KCNT2: variants seen among roughly 807,000 people sequenced by gnomAD.
The protein encoded by KCNT2 is potassium channel subfamily T member 2.
In KCNT2, 67 loss-of-function variants were observed where a neutral mutation model predicts 153.8. The observed-to-expected ratio is 0.44, with a 90% confidence interval of 0.36 to 0.53. The LOEUF (loss-of-function observed/expected upper bound fraction) is 0.53. Ranked by LOEUF, KCNT2 falls within the 20% of genes least tolerant of loss-of-function variation. The probability of loss-of-function intolerance (pLI) is 0.00; values close to 1 mark genes in which losing one functional copy is unlikely to be tolerated. For missense variants in KCNT2, 975 were observed against 1,354.8 expected, an observed-to-expected ratio of 0.72 and a Z score of 4.40; for synonymous variants, 500 against 458.8, an observed-to-expected ratio of 1.09 and a Z score of -1.15.
At chr1:196,260,274 C>G (rs539480686) in intron 25 of KCNT2, among the ~76,000 whole-genome samples, 1 of 151,874 alleles carries the variant, frequency 6.6e-6, no homozygotes, top group Admixed American at 6.6e-5. Flanking sequence ...TAATTCAAGT[C>G]ACAAAACCAT....
At chr1:196,284,741 C>T (rs148267826) in intron 23 of KCNT2, among the ~76,000 whole-genome samples, 29 of 152,216 alleles carry the variant, frequency 1.9e-4, no homozygotes, top group African/African-American at 6.7e-4. Flanking sequence ...TGTGTTTGCT[C>T]CAGCTCTCAT....
At chr1:196,283,102 C>T (rs1405651665) in intron 23 of KCNT2, among the ~76,000 whole-genome samples, 1 of 152,190 alleles carries the variant, frequency 6.6e-6, no homozygotes, top group Non-Finnish European at 1.5e-5. Context: ...CTTGGCCACC[C>T]CAAAATACTG....
At chr1:196,452,705 C>T (rs1237825957) in intron 8 of KCNT2, among the ~76,000 whole-genome samples, 2 of 115,148 alleles carry the variant, frequency 1.7e-5, no homozygotes, top group African/African-American at 3.3e-5. Flanking sequence ...GAAATAGAAC[C>T]AATATGTTAT....
intron 16 of KCNT2, among the ~76,000 whole-genome samples, chr1:196,338,840 C>T (rs1665292782): frequency 6.9e-6 from 1 of 145,678 alleles, no homozygotes; most frequent in African/African-American, 2.6e-5. Flanking sequence ...ATTTACTGAC[C>T]AGATTTAATA....
At chr1:196,236,527 T>C (rs1036457883) in intron 26 of KCNT2, among the ~76,000 whole-genome samples, 2 of 151,438 alleles carry the variant, frequency 1.3e-5, no homozygotes, top group Non-Finnish European at 3.0e-5. Flanking sequence ...GAAATGTGTC[T>C]AAAAAGCTTG....
At chr1:196,434,458 C>A (rs1047260464) in intron 8 of KCNT2, among the ~76,000 whole-genome samples, 1 of 151,858 alleles carries the variant, frequency 6.6e-6, no homozygotes, top group Non-Finnish European at 1.5e-5. Flanking sequence ...GCTTCCAGGT[C>A]TTTTGTTTGT....
At position 196,263,600 on chromosome 1, in the gene KCNT2, G is replaced by A. The variant is rs191889125; in HGVS notation, c.2911-5106C>T. ...ATTCTATGAATATAAAACATACTCG[G>A]AGTAGGTAGAACCTCTATTACCTCA... On this transcript the variant is annotated intron_variant, in intron 25 of 27. Transcript: ENST00000294725. Among the ~76,000 whole-genome samples, 336 of 152,050 alleles carry A rather than the reference G, an allele frequency of 2.2e-3. 1 individual carries two copies. Among genetic ancestry groups the A allele is most frequent in the South Asian group, 0.011 (53 of 4,798 alleles).
At chr1:196,309,583 C>G (rs1661967684) in intron 21 of KCNT2, among the ~76,000 whole-genome samples, 1 of 151,808 alleles carries the variant, frequency 6.6e-6, no homozygotes. Flanking sequence ...ATTAGCTAAG[C>G]CTGCCACCTA....
chr1:196,430,781 A>G (rs1674083360), intron 8 of KCNT2, among the ~76,000 whole-genome samples: 1 of 152,138 alleles, frequency 6.6e-6, no homozygotes, highest in South Asian at 2.1e-4. Flanking sequence ...TAATGCTGCT[A>G]TTAACAACAA....
intron 26 of KCNT2, chr1:196,257,814 TACTTGTC>T: frequency 1.0e-6 from 1 of 985,054 alleles, no homozygotes; most frequent in Non-Finnish European, 1.2e-6. Context: ...TACAATCAGT[TACTTGTC>T]AATGCCTCAA....
intron 1 of KCNT2, among the ~76,000 whole-genome samples, chr1:196,585,736 T>C (rs1662602424): frequency 6.6e-6 from 1 of 152,128 alleles, no homozygotes. Context: ...ACTCATCCAT[T>C]AGGTTTGTCA....
chr1:196,495,531 C>G (rs1680185793), intron 1 of KCNT2, among the ~76,000 whole-genome samples: 1 of 152,020 alleles, frequency 6.6e-6, no homozygotes, highest in Non-Finnish European at 1.5e-5. Flanking sequence ...TTGCCTCCCT[C>G]TCTTCCTTCT....
rs575711306 is a variant in KCNT2 at position 196,344,027 on chromosome 1, G to C, written c.1404-1799C>G. On this transcript the variant is annotated intron_variant, in intron 14 of 27. Transcript: ENST00000294725. ...ACTCCCAACCTCAGGCGATCCGCCC[G>C]CCTTGGCCTCCCAAAGTGCTGGGAT... is the stretch of plus-strand genomic sequence containing the variant. Among the ~76,000 whole-genome samples the C allele has an allele frequency of 3.9e-5, 6 of 152,078 alleles. 1 individual carries two copies. The highest frequency in any genetic ancestry group is 1.5e-5 in the Non-Finnish European group (1 of 68,014).
chr1:196,279,812 C>G (rs1658925477), intron 25 of KCNT2, among the ~76,000 whole-genome samples: 1 of 151,744 alleles, frequency 6.6e-6, no homozygotes, highest in African/African-American at 2.4e-5. Flanking sequence ...CTGCTGGTAA[C>G]TTATATAAGT....
At chr1:196,379,694 GT>G (rs1381079976) in intron 13 of KCNT2, among the ~76,000 whole-genome samples, 1 of 151,460 alleles carries the variant, frequency 6.6e-6, no homozygotes, top group Non-Finnish European at 1.5e-5. Flanking sequence ...TAAAGTTTCT[GT>G]TTATTCTGAC....
At chr1:196,304,646 A>G (rs1661466923) in intron 22 of KCNT2, among the ~76,000 whole-genome samples, 1 of 152,186 alleles carries the variant, frequency 6.6e-6, no homozygotes, top group African/African-American at 2.4e-5. Context: ...CTCAGCCTGT[A>G]TACTGAAAAT....
chr1:196,288,685 T>C (rs1659903661), intron 22 of KCNT2, among the ~76,000 whole-genome samples: 1 of 152,122 alleles, frequency 6.6e-6, no homozygotes. Flanking sequence ...TTGAATTTGG[T>C]ACTAAAGTAG....
chr1:196,477,163 C>T (rs1261528041), intron 5 of KCNT2, among the ~76,000 whole-genome samples: 1 of 147,944 alleles, frequency 6.8e-6, no homozygotes, highest in Non-Finnish European at 1.5e-5. Context: ...TTTAAGATGG[C>T]AATAATGAGA....
At chr1:196,244,790 G>C (rs1655277627) in intron 26 of KCNT2, among the ~76,000 whole-genome samples, 1 of 152,064 alleles carries the variant, frequency 6.6e-6, no homozygotes, top group East Asian at 1.9e-4. Flanking sequence ...ACCCTGAAGG[G>C]AGGAAAAAAG....
Sources: gnomAD v4.1 joint callset for allele counts (sites outside exome capture counted in the v4.1 genomes callset) on GRCh38, gnomAD v4.1.1 for gene constraint, MANE v1.5 for transcripts, NCBI Gene and HGNC (gene_info 2026-07-23, HGNC 2026-07-21) for gene names.